TUT4: variants seen among roughly 807,000 people sequenced by gnomAD.
TUT4 encodes terminal uridylyltransferase 4.
In TUT4, 36 loss-of-function variants were observed where a neutral mutation model predicts 192.2. The observed-to-expected ratio is 0.19, with a 90% CI of 0.14 to 0.25. The LOEUF (loss-of-function observed/expected upper bound fraction) is 0.25, where lower values mean the gene tolerates loss of function less well. Ranked by LOEUF, TUT4 falls within the 10% of genes least tolerant of loss-of-function variation. The pLI, the probability that TUT4 is intolerant of heterozygous loss-of-function variation, is 1.00. For missense variants in TUT4, 1,493 were observed against 1,957.2 expected (o/e 0.76, Z 4.47); for synonymous variants, 618 against 666.0 (o/e 0.93, Z 1.11).
chr1:52,504,983 T>C (rs947331563), intron 4 of TUT4, among the ~76,000 whole-genome samples: 1 of 152,240 alleles, frequency 6.6e-6, no homozygotes, highest in Non-Finnish European at 1.5e-5. Context: ...CATCCATCAA[T>C]GGATATCTGA....
At chr1:52,440,440 T>G (rs932459662) in intron 24 of TUT4, among the ~76,000 whole-genome samples, 2 of 151,100 alleles carry the variant, frequency 1.3e-5, no homozygotes, top group African/African-American at 2.4e-5. Flanking sequence ...TGTGTTTTTT[T>G]TTTTTTTTTT....
chr1:52,495,041 G>T (rs1557845078), intron 6 of TUT4, among the ~76,000 whole-genome samples: 1 of 151,908 alleles, frequency 6.6e-6, no homozygotes, highest in Non-Finnish European at 1.5e-5. Flanking sequence ...TATTATTCCT[G>T]TTTTGGAAAT....
intron 28 of TUT4, among the ~76,000 whole-genome samples, chr1:52,427,899 C>T (rs1570083932): frequency 6.6e-6 from 1 of 152,154 alleles, no homozygotes; most frequent in African/African-American, 2.4e-5. Context: ...TGGAAATACA[C>T]GGACCCACCA....
chr1:52,537,916 G>GAATA (rs775706760), intron 1 of TUT4, among the ~76,000 whole-genome samples: 56 of 151,504 alleles, frequency 3.7e-4, no homozygotes, highest in African/African-American at 8.5e-4. Context: ...TCTCAAAAAT[G>GAATA]AATAAATAAA....
intron 27 of TUT4, chr1:52,432,590 T>A (rs1246756850): frequency 6.6e-6 from 1 of 152,164 alleles, no homozygotes; most frequent in African/African-American, 2.4e-5. Flanking sequence ...AGAAAGATTA[T>A]CCTGGTTTAA....
rs762178098 is a variant in TUT4 at position 52,474,903 on chromosome 1, T to C, written c.2656A>G (p.Asn886Asp). Reference sequence around the variant, plus strand: ...TGGGTGGGGAGGTTATCATCATCATTAAGGTCAGAAGCATCTTCTGTAGCT... The same window carrying C: ...TGGGTGGGGAGGTTATCATCATCATCAAGGTCAGAAGCATCTTCTGTAGCT... ...CKATEDASDL[N>D]DDDNLPTQEL... Residue 886 changes from asparagine (N) to aspartate (D), a missense_variant, in exon 13 of 30, where the codon AAT (asparagine) becomes GAT (aspartate). Physicochemically the swap from Asn to Asp is conservative, Grantham distance 23 (BLOSUM62 1). This residue lies in a region of TUT4 where 245 missense variants were observed against 218.4 expected (regional missense o/e 1.12). Transcript: ENST00000257177. 13 of 1,614,022 alleles carry C rather than the reference T, an allele frequency of 8.1e-6. 1 individual carries two copies. The South Asian group carries it at 1.4e-4, about 18-fold the overall frequency.
At chr1:52,513,393 C>CAAAAAAAAAAAAA (rs554170439) in intron 3 of TUT4, among the ~76,000 whole-genome samples, 22 of 42,090 alleles carry the variant, frequency 5.2e-4, no homozygotes, top group African/African-American at 2.4e-3. Flanking sequence ...GACCCTGTCT[C>CAAAAAAAAAAAAA]AAAAAAAAAA....
intron 15 of TUT4, among the ~76,000 whole-genome samples, chr1:52,467,713 G>A (rs1215484221): frequency 6.6e-6 from 1 of 152,074 alleles, no homozygotes; most frequent in Non-Finnish European, 1.5e-5. Context: ...CCCCCTCTCT[G>A]ACCTCTTCTA....
chr1:52,528,265 C>T (rs532356588), intron 1 of TUT4, among the ~76,000 whole-genome samples: 3 of 151,408 alleles, frequency 2.0e-5, no homozygotes, highest in African/African-American at 4.8e-5. Context: ...GAGGCCGAGG[C>T]TGGCGGATTG....
intron 20 of TUT4, among the ~76,000 whole-genome samples, chr1:52,449,948 T>C (rs1034528091): frequency 1.3e-5 from 2 of 152,312 alleles, no homozygotes; most frequent in Non-Finnish European, 2.9e-5. Context: ...AAGTTGCAAA[T>C]TTTAAGCTGA....
intron 3 of TUT4, among the ~76,000 whole-genome samples, chr1:52,513,781 CT>C (rs1448108340): frequency 6.6e-6 from 1 of 152,092 alleles, no homozygotes; most frequent in African/African-American, 2.4e-5. Context: ...GCTTATGTGT[CT>C]TTCTCTAGTG....
At chr1:52,500,206 T>A (rs937757948) in intron 4 of TUT4, among the ~76,000 whole-genome samples, 2 of 151,648 alleles carry the variant, frequency 1.3e-5, no homozygotes, top group Non-Finnish European at 2.9e-5. Context: ...GAACACTCAA[T>A]GGGGAAAGGA....
At chr1:52,440,341 G>A (rs1433183071) in intron 24 of TUT4, among the ~76,000 whole-genome samples, 3 of 151,944 alleles carry the variant, frequency 2.0e-5, no homozygotes, top group Non-Finnish European at 4.4e-5. Context: ...GTGTTGGCCA[G>A]GCTGGTCTTG....
intron 4 of TUT4, among the ~76,000 whole-genome samples, chr1:52,498,344 C>T (rs879662231): frequency 2.0e-5 from 3 of 150,718 alleles, no homozygotes; most frequent in Non-Finnish European, 3.0e-5. Flanking sequence ...CCGGGGTTCA[C>T]GCCATTCTCC....
At chr1:52,447,477 CAAA>C (rs576050725) in intron 20 of TUT4, among the ~76,000 whole-genome samples, 30 of 113,360 alleles carry the variant, frequency 2.6e-4, no homozygotes, top group African/African-American at 1.1e-3. Flanking sequence ...AACAAAAAAA[CAAA>C]AAAAAAAAAG....
intron 2 of TUT4, among the ~76,000 whole-genome samples, chr1:52,519,120 C>T (rs1186294782): frequency 2.0e-5 from 3 of 152,116 alleles, no homozygotes; most frequent in South Asian, 4.2e-4. Context: ...TGGAAACAAT[C>T]CAAATATCCA....
chr1:52,502,247 C>G (rs1036678706), intron 4 of TUT4, among the ~76,000 whole-genome samples: 4 of 152,034 alleles, frequency 2.6e-5, no homozygotes, highest in African/African-American at 4.8e-5. Flanking sequence ...AGGCCTTCCT[C>G]CAACCATTCC....
At chr1:52,459,898 AAAAT>A (rs1662092304) in intron 19 of TUT4, among the ~76,000 whole-genome samples, 1 of 152,120 alleles carries the variant, frequency 6.6e-6, no homozygotes, top group African/African-American at 2.4e-5. Flanking sequence ...ACATGAAATT[AAAAT>A]AAAAATTAAA....
chr1:52,508,483 A>G (rs1453003650), intron 4 of TUT4, among the ~76,000 whole-genome samples: 1 of 152,200 alleles, frequency 6.6e-6, no homozygotes, highest in Non-Finnish European at 1.5e-5. Flanking sequence ...GTTGTTTTCA[A>G]GAAAACTATG....
Sources: allele counts gnomAD v4.1 joint callset (sites outside exome capture counted in the v4.1 genomes callset), GRCh38; gene constraint gnomAD v4.1.1; regional missense constraint gnomAD v4.1.1; transcripts MANE v1.5; gene names NCBI Gene and HGNC (gene_info 2026-07-23, HGNC 2026-07-21).